GNAL: variants seen among roughly 807,000 people sequenced by gnomAD.
GNAL encodes the protein G protein subunit alpha L, also known as guanine nucleotide-binding protein G(olf) subunit alpha.
Under a neutral mutation model 55.1 loss-of-function variants are expected in GNAL, and 18 were observed. The ratio of observed to expected loss-of-function variants is 0.33; its 90% CI spans 0.23 to 0.48. GNAL has a LOEUF of 0.48. Among genes scored for constraint, GNAL ranks in the 20% least tolerant of loss-of-function variants. GNAL has a pLI of 0.99. For missense variants in GNAL, 412 were observed against 614.1 expected, an observed-to-expected ratio of 0.67 and a Z score of 3.48; for synonymous variants, 253 against 237.0, an observed-to-expected ratio of 1.07 and a Z score of -0.62.
rs932525018 is a variant in GNAL at position 11,881,952 on chromosome 18, T to C, written c.*817T>C. ...TGGCTATCTATACCTGTACATGAAA[T>C]GTGTTTGTATTGTGCTGAAGAGCTT... On this transcript the variant is annotated 3_prime_UTR_variant, in exon 12 of 12. Transcript: ENST00000334049. The surrounding 1 kb of genome is among the most constrained non-coding windows in gnomAD (Gnocchi z 4.8). 6.6e-6 allele frequency: 1 copy of C among 152,644 alleles called. No individual in the cohort carries two copies. Among genetic ancestry groups the C allele is most frequent in the Non-Finnish European group, 1.5e-5 (1 of 68,032 alleles). 9.5% of individuals were successfully genotyped at this position (152,644 alleles called of 1,614,324 possible).
At chr18:11,740,481 C>T (rs2143475809) in intron 1 of GNAL, among the ~76,000 whole-genome samples, 1 of 152,260 alleles carries the variant, frequency 6.6e-6, no homozygotes, top group Non-Finnish European at 1.5e-5. Flanking sequence ...TACACAGGGA[C>T]AAACATACAC....
At position 11,695,483 on chromosome 18, in the gene GNAL, T is replaced by C. The variant is rs145812624; in HGVS notation, c.376+5544T>C. On this transcript the variant is annotated intron_variant, in intron 1 of 11. Coordinates refer to ENST00000334049, the MANE Select transcript of GNAL (RefSeq NM_182978.4). ...ATTTAATCTGCCAAATGAACACATA[T>C]AGCAAACAAAGCTGTGTTCACCATT... 5.9e-5 allele frequency among the ~76,000 whole-genome samples: 9 copies of C among 152,332 alleles called. No homozygotes were observed. The East Asian group carries it at 1.2e-3, about 20-fold the overall frequency.
chr18:11,869,752 A>C (rs1467742764), intron 9 of GNAL, among the ~76,000 whole-genome samples: 1 of 152,060 alleles, frequency 6.6e-6, no homozygotes, highest in Admixed American at 6.5e-5. Flanking sequence ...GTCTCTACAA[A>C]AAATACAAAA....
intron 4 of GNAL, among the ~76,000 whole-genome samples, chr18:11,776,513 C>G (rs2033788056): frequency 6.6e-6 from 1 of 151,934 alleles, no homozygotes; most frequent in Non-Finnish European, 1.5e-5. Context: ...TCAAGACCAT[C>G]CCAGGCAACA....
At chr18:11,821,200 C>G (rs1006755842) in intron 4 of GNAL, among the ~76,000 whole-genome samples, 1 of 152,182 alleles carries the variant, frequency 6.6e-6, no homozygotes, top group African/African-American at 2.4e-5. Context: ...ACAAGGTACC[C>G]TTGTATGAGA....
intron 5 of GNAL, among the ~76,000 whole-genome samples, chr18:11,861,022 G>A (rs1207552731): frequency 6.6e-6 from 1 of 152,198 alleles, no homozygotes; most frequent in Admixed American, 6.5e-5. Flanking sequence ...CGCCTGCAGA[G>A]GAGCTGGTGT....
At chr18:11,718,588 C>G (rs1194302233) in intron 1 of GNAL, among the ~76,000 whole-genome samples, 1 of 152,114 alleles carries the variant, frequency 6.6e-6, no homozygotes, top group Non-Finnish European at 1.5e-5. Flanking sequence ...AAAATCAAAG[C>G]TGTACATGAA....
At chr18:11,847,258 T>C (rs550096737) in intron 5 of GNAL, among the ~76,000 whole-genome samples, 51 of 152,100 alleles carry the variant, frequency 3.4e-4, no homozygotes, top group African/African-American at 1.2e-3. Context: ...CACAAATATA[T>C]GCAAAAAATG....
chr18:11,814,031 C>T (rs2034890070), intron 4 of GNAL, among the ~76,000 whole-genome samples: 1 of 152,084 alleles, frequency 6.6e-6, no homozygotes, highest in Admixed American at 6.5e-5. Context: ...TTACACCATA[C>T]CCAAAAACTA....
At chr18:11,840,166 T>G (rs147163075) in intron 5 of GNAL, among the ~76,000 whole-genome samples, 96 of 152,364 alleles carry the variant, frequency 6.3e-4, no homozygotes, top group African/African-American at 2.3e-3. Flanking sequence ...ACTTACAATT[T>G]TATTCATGTG....
chr18:11,706,782 C>T (rs2031723032), intron 1 of GNAL, among the ~76,000 whole-genome samples: 1 of 152,198 alleles, frequency 6.6e-6, no homozygotes, highest in African/African-American at 2.4e-5. Flanking sequence ...CCTGAGATTG[C>T]AGCCATTTAG....
chr18:11,758,691 C>T (rs565221271), intron 4 of GNAL, among the ~76,000 whole-genome samples: 1 of 152,320 alleles, frequency 6.6e-6, no homozygotes, highest in East Asian at 1.9e-4. Flanking sequence ...TAGAGTTTTT[C>T]TCATGAATAC....
In GNAL at chr18:11,753,738, A is replaced by G; in HGVS notation, c.504+56A>G. On this transcript the variant is annotated intron_variant, in intron 3 of 11. Transcript: ENST00000334049. ...GAAAGGTCAAGTGCTCTTCATTCTA[A>G]AACTGTGTAGACAGAAATTACATAT... is the stretch of plus-strand genomic sequence containing the variant. The G allele has an allele frequency of 2.0e-6, 3 of 1,474,106 alleles. No homozygotes were observed. In the South Asian group the frequency reaches 3.4e-5, roughly 17 times the overall value. 91.3% of individuals were successfully genotyped at this position (1,474,106 alleles called of 1,614,324 possible).
intron 4 of GNAL, among the ~76,000 whole-genome samples, chr18:11,807,132 C>G (rs1397548203): frequency 1.3e-5 from 2 of 151,534 alleles, no homozygotes; most frequent in Non-Finnish European, 2.9e-5. Context: ...ACACTCCAGC[C>G]TGGGTGATAG....
At chr18:11,778,720 G>T (rs1387957807) in intron 4 of GNAL, among the ~76,000 whole-genome samples, 1 of 151,872 alleles carries the variant, frequency 6.6e-6, no homozygotes, top group Non-Finnish European at 1.5e-5. Context: ...CCTTTCTTAA[G>T]AACCCATTTT....
At chr18:11,741,007 A>G (rs2032564065) in intron 1 of GNAL, among the ~76,000 whole-genome samples, 1 of 152,234 alleles carries the variant, frequency 6.6e-6, no homozygotes, top group Non-Finnish European at 1.5e-5. Flanking sequence ...TCGATATTCT[A>G]TTACAAGGAA....
At chr18:11,796,020 G>T (rs2034368929) in intron 4 of GNAL, among the ~76,000 whole-genome samples, 1 of 152,202 alleles carries the variant, frequency 6.6e-6, no homozygotes, top group African/African-American at 2.4e-5. Context: ...CAAAGCTGGG[G>T]TCAGCTAACG....
At chr18:11,807,454 G>A (rs907868342) in intron 4 of GNAL, among the ~76,000 whole-genome samples, 4 of 152,308 alleles carry the variant, frequency 2.6e-5, no homozygotes, top group African/African-American at 4.8e-5. Context: ...AGATTCTCAA[G>A]GTACAGCCAA....
chr18:11,753,267 G>T (rs982384684), intron 2 of GNAL, among the ~76,000 whole-genome samples: 1 of 152,038 alleles, frequency 6.6e-6, no homozygotes, highest in Non-Finnish European at 1.5e-5. Flanking sequence ...GTTTATAACT[G>T]TCAACATATT....
Sources: allele counts gnomAD v4.1 joint callset (sites outside exome capture counted in the v4.1 genomes callset), GRCh38; gene constraint gnomAD v4.1.1; non-coding constraint Gnocchi (gnomAD v3.1); transcripts MANE v1.5; gene names NCBI Gene and HGNC (gene_info 2026-07-23, HGNC 2026-07-21).